Variants in PI4KB observed in about 807,000 individuals in gnomAD.
PI4KB encodes phosphatidylinositol 4-kinase beta.
PI4KB carries 23 observed loss-of-function variants against 81.4 expected under a neutral mutation model. The observed-to-expected ratio is 0.28, with a 90% confidence interval of 0.20 to 0.40. PI4KB has a LOEUF of 0.40. PI4KB is among the 10% of genes least tolerant of loss of function. The probability of loss-of-function intolerance (pLI) is 1.00; values close to 1 mark genes in which losing one functional copy is unlikely to be tolerated. For missense variants in PI4KB, 651 were observed against 1,036.6 expected, an observed-to-expected ratio of 0.63 and a Z score of 5.11; for synonymous variants, 381 against 406.8, an observed-to-expected ratio of 0.94 and a Z score of 0.76.
rs555734220 is a variant in PI4KB at position 151,321,073 on chromosome 1, A to G, written c.-28-4564T>C. On this transcript the variant is annotated intron_variant, in intron 1 of 11. Transcript: ENST00000368873. ...CTCTTTTATCTCACAGACAAAAGAAAAACTCCCAGGGCTCAGCTAAGAATC... is the reference window on the plus strand; with the variant it reads ...CTCTTTTATCTCACAGACAAAAGAAGAACTCCCAGGGCTCAGCTAAGAATC... Among the ~76,000 whole-genome samples the G allele has an allele frequency of 4.3e-3, 660 of 152,338 alleles. 5 individuals are homozygous for G. Among genetic ancestry groups the G allele is most frequent in the Middle Eastern group, 0.014 (4 of 294 alleles).
intron 7 of PI4KB, 59 bp downstream of exon 7, chr1:151,302,135 G>T: frequency 6.6e-7 from 1 of 1,526,634 alleles, no homozygotes; most frequent in South Asian, 1.1e-5. Flanking sequence ...TTGGTGCAGT[G>T]AGCACTTACA....
rs1232310843 is a variant in PI4KB at position 151,307,817 on chromosome 1, G to A, written c.955-16C>T. 7 of 1,583,708 alleles carry A rather than the reference G, an allele frequency of 4.4e-6. No homozygotes were observed. Among genetic ancestry groups the A allele is most frequent in the Non-Finnish European group, 6.1e-6 (7 of 1,152,318 alleles). On this transcript the variant is annotated splice_polypyrimidine_tract_variant and intron_variant, in intron 3 of 11. Coordinates refer to ENST00000368873, the MANE Select transcript of PI4KB (RefSeq NM_001369623.2). ...GTCGAACAGGCTACAGGGGTTTGGG[G>A]TAAGACAAAAGATGGTGAAGAAACC...
intron 1 of PI4KB, among the ~76,000 whole-genome samples, chr1:151,322,832 G>A (rs1259145970): frequency 6.6e-6 from 1 of 152,068 alleles, no homozygotes; most frequent in East Asian, 1.9e-4. Context: ...TCTGGTTGGG[G>A]ATGCTTCCAA....
In PI4KB at chr1:151,315,564, G is replaced by T; in HGVS notation, c.909+9C>A. 6.2e-7 allele frequency: 1 copy of T among 1,609,162 alleles called. No individual in the cohort carries two copies. The highest frequency in any genetic ancestry group is 8.5e-7 in the Non-Finnish European group (1 of 1,175,920). The stretch of plus-strand genomic sequence containing the variant: ...CACCTTTTGTCTCTGGCCCTCCCCA[G>T]AATTTTACCTCATCCTCATTCTCCA... On this transcript the variant is annotated intron_variant, in intron 2 of 11. Transcript: ENST00000368873.
chr1:151,307,545 G>A, intron 4 of PI4KB, 29 bp downstream of exon 4: 1 of 1,484,310 alleles, frequency 6.7e-7, no homozygotes, highest in Non-Finnish European at 9.4e-7. Context: ...TCACGTCCAG[G>A]GTAGGGGTTT....
At chr1:151,320,882 G>C (rs1310773597) in intron 1 of PI4KB, among the ~76,000 whole-genome samples, 3 of 152,192 alleles carry the variant, frequency 2.0e-5, no homozygotes, top group African/African-American at 4.8e-5. Context: ...GTCACTGAAA[G>C]CTCCTAGAAG....
At position 151,301,874 on chromosome 1, in the gene PI4KB, A is replaced by C. The variant is rs371664199; in HGVS notation, c.1719T>G (p.Leu573=). 6.2e-6 allele frequency: 10 copies of C among 1,614,122 alleles called. No homozygotes were observed. The African/African-American group carries it at 1.3e-4, about 22-fold the overall frequency. The change falls in exon 8 of 12, where the codon CTT becomes CTG. Residue 573 remains leucine, a synonymous_variant. Coordinates refer to ENST00000368873, the MANE Select transcript of PI4KB (RefSeq NM_001369623.2). The part of the protein sequence containing the change: ...VKCGDDLRQE[L]LAFQVLKQLQ... ...GTTGCTTCAACACCTGAAAGGCCAG[A>C]AGCTCTTGCCGAAGGTCATCCCCAC...
intron 5 of PI4KB, among the ~76,000 whole-genome samples, chr1:151,304,534 G>A (rs1461526271): frequency 4.0e-5 from 6 of 151,512 alleles, no homozygotes; most frequent in South Asian, 2.1e-4. Flanking sequence ...TAGTAGGAAC[G>A]GGGTTTCACC....
chr1:151,312,936 T>G (rs1185045584), intron 2 of PI4KB, among the ~76,000 whole-genome samples: 1 of 152,182 alleles, frequency 6.6e-6, no homozygotes, highest in African/African-American at 2.4e-5. Flanking sequence ...GAGGATTGCT[T>G]GAGCCCAGGA....
At chr1:151,321,701 G>A (rs1402512967) in intron 1 of PI4KB, among the ~76,000 whole-genome samples, 4 of 151,386 alleles carry the variant, frequency 2.6e-5, no homozygotes, top group East Asian at 2.0e-4. Flanking sequence ...GTGAAACCCC[G>A]TCTCTACTAA....
chr1:151,296,107 G>A (rs1361936600), intron 9 of PI4KB, among the ~76,000 whole-genome samples: 4 of 152,150 alleles, frequency 2.6e-5, no homozygotes, highest in Non-Finnish European at 4.4e-5. Flanking sequence ...TTAGCTGGGC[G>A]TGGTGGCGCA....
In PI4KB at chr1:151,315,567, T is replaced by A. The variant is rs1557807571; in HGVS notation, c.909+6A>T. The stretch of plus-strand genomic sequence containing the variant: ...CTTTTGTCTCTGGCCCTCCCCAGAA[T>A]TTTACCTCATCCTCATTCTCCACTT... On this transcript the variant is annotated splice_donor_region_variant and intron_variant, in intron 2 of 11. Coordinates refer to ENST00000368873, the MANE Select transcript of PI4KB (RefSeq NM_001369623.2). 1 of 1,610,714 alleles carries A rather than the reference T, an allele frequency of 6.2e-7. No homozygotes were observed. Among genetic ancestry groups the A allele is most frequent in the Admixed American group, 1.7e-5 (1 of 60,016 alleles).
At chr1:151,322,831 G>A (rs1383051734) in intron 1 of PI4KB, among the ~76,000 whole-genome samples, 2 of 152,010 alleles carry the variant, frequency 1.3e-5, no homozygotes, top group Non-Finnish European at 2.9e-5. Flanking sequence ...TTCTGGTTGG[G>A]GATGCTTCCA....
chr1:151,309,500 A>G (rs982868754), intron 3 of PI4KB, among the ~76,000 whole-genome samples: 2 of 152,148 alleles, frequency 1.3e-5, no homozygotes, highest in Non-Finnish European at 2.9e-5. Flanking sequence ...AAATCAGCCA[A>G]ACTCCCAGAG....
Position 151,301,849 on chromosome 1 carries a change from G to T in PI4KB, c.1744C>A (p.Leu582Met), listed in dbSNP as rs587741228. The part of the protein sequence containing the change: ...ELLAFQVLKQ[L>M]QSIWEQERVP... ...CTCTCCTTCTCTTCTCTTACCTGCA[G>T]TTGCTTCAACACCTGAAAGGCCAGA... The change falls in exon 8 of 12, where the codon CTG becomes ATG. Residue 582 changes from leucine to methionine, a missense_variant. Transcript: ENST00000368873. The T allele has an allele frequency of 6.2e-7, 1 of 1,613,906 alleles. No homozygotes were observed. Among genetic ancestry groups the T allele is most frequent in the African/African-American group, 1.3e-5 (1 of 75,034 alleles).
At chr1:151,320,720 C>CA (rs961753101) in intron 1 of PI4KB, among the ~76,000 whole-genome samples, 4 of 152,358 alleles carry the variant, frequency 2.6e-5, no homozygotes, top group African/African-American at 9.6e-5. Flanking sequence ...GCACTCTCAT[C>CA]AGAGGGTCAC....
rs750699434 is a variant in PI4KB at position 151,316,123 on chromosome 1, C to G, written c.359G>C (p.Arg120Pro). 3 of 1,614,062 alleles carry G rather than the reference C, an allele frequency of 1.9e-6. No individual in the cohort carries two copies. In the South Asian group the frequency reaches 3.3e-5, roughly 18 times the overall value. ...AGACTGTTTAGCTGAGTTGTTCTGC[C>G]GCCGTCTTCTTGCTCCTTTGGCTGT... Reference protein sequence around the residue: ...SGTAKGARRRRQNNSAKQSWL... With the variant: ...SGTAKGARRRPQNNSAKQSWL... The change falls in exon 2 of 12, where the codon CGG becomes CCG. Residue 120 changes from arginine to proline, a missense_variant. Physicochemically the swap from Arg to Pro is moderately radical, Grantham distance 103. Coordinates refer to ENST00000368873, the MANE Select transcript of PI4KB (RefSeq NM_001369623.2).
In PI4KB at chr1:151,315,699, A is replaced by T. The variant is rs995180795; in HGVS notation, c.783T>A (p.Pro261=). The change falls in exon 2 of 12, where the codon CCT becomes CCA. Residue 261 remains proline (P), a synonymous_variant. Coordinates refer to ENST00000368873, the MANE Select transcript of PI4KB (RefSeq NM_001369623.2). ...KRELPSLSPA[P]DTGLSPSKRT... Reference sequence around the variant, plus strand: ...TTTTGGAGGGAGACAGCCCTGTGTCAGGGGCCGGGCTCAAGGAGGGCAGCT... The same window carrying T: ...TTTTGGAGGGAGACAGCCCTGTGTCTGGGGCCGGGCTCAAGGAGGGCAGCT... 6.2e-7 allele frequency: 1 copy of T among 1,613,990 alleles called. No homozygotes were observed. Among genetic ancestry groups the T allele is most frequent in the East Asian group, 2.2e-5 (1 of 44,878 alleles).
At chr1:151,293,159 T>G in intron 11 of PI4KB, 126 bp from the exon 12 acceptor site, 1 of 1,504,452 alleles carries the variant, frequency 6.6e-7, no homozygotes, top group Non-Finnish European at 8.9e-7. Context: ...CTTGATGATG[T>G]GGGTGCAGTT....
Sources: allele counts gnomAD v4.1 joint callset (sites outside exome capture counted in the v4.1 genomes callset), GRCh38; gene constraint gnomAD v4.1.1; transcripts MANE v1.5; gene names NCBI Gene and HGNC (gene_info 2026-07-23, HGNC 2026-07-21).